Variants in TMEFF2 observed in about 807,000 individuals in gnomAD.
TMEFF2 encodes transmembrane protein with EGF like and two follistatin like domains 2.
In TMEFF2, 28 loss-of-function variants were observed where a neutral mutation model predicts 53.8. That is an observed-to-expected ratio of 0.52 (90% confidence interval 0.39 to 0.71). The LOEUF is 0.71. Ranked by LOEUF, TMEFF2 falls within the 30% of genes least tolerant of loss-of-function variation. The pLI is 0.00. For missense variants in TMEFF2, 353 were observed against 455.2 expected (o/e 0.78, Z 2.04); for synonymous variants, 162 against 166.3 (o/e 0.97, Z 0.20).
chr2:192,059,448 G>A (rs376483938), intron 4 of TMEFF2, among the ~76,000 whole-genome samples: 26 of 152,168 alleles, frequency 1.7e-4, no homozygotes, highest in South Asian at 6.2e-4. Flanking sequence ...AGCTGAGGTC[G>A]GTCTCTTTAT....
intron 7 of TMEFF2, among the ~76,000 whole-genome samples, chr2:191,968,545 CAG>C (rs1692533726): frequency 6.6e-6 from 1 of 152,122 alleles, no homozygotes; most frequent in Non-Finnish European, 1.5e-5. Context: ...CTCTTTAGAC[CAG>C]AGTTTCCTGA....
At chr2:192,042,857 C>T (rs187984310) in intron 5 of TMEFF2, among the ~76,000 whole-genome samples, 2,400 of 152,250 alleles carry the variant, frequency 0.016, 44 homozygotes, top group Non-Finnish European at 0.019. Flanking sequence ...TTAAGACCTA[C>T]TCACACACAC....
rs747699024 is a variant in TMEFF2 at position 192,057,771 on chromosome 2, A to G, written c.444T>C (p.His148=). Residue 148 remains histidine (H), a synonymous_variant, in exon 5 of 10, where the codon CAT becomes CAC. Coordinates refer to ENST00000272771, the MANE Select transcript of TMEFF2 (RefSeq NM_016192.4). ...TTTGACTAGTTTCTCCAGAGCCTTC[A>G]TGGACTGTAGGACAGAAAAACAGTA... ...DAGSGSGDGV[H]EGSGETSQKE... 6.2e-7 allele frequency: 1 copy of G among 1,613,362 alleles called. No individual in the cohort carries two copies. Among genetic ancestry groups the G allele is most frequent in the Non-Finnish European group, 8.5e-7 (1 of 1,179,328 alleles).
At chr2:192,173,338 A>C (rs1013008842) in intron 4 of TMEFF2, among the ~76,000 whole-genome samples, 2 of 151,906 alleles carry the variant, frequency 1.3e-5, no homozygotes, top group Non-Finnish European at 2.9e-5. Context: ...ACTATACAGC[A>C]TTTTATAAAT....
At chr2:192,165,488 G>A (rs1188722940) in intron 4 of TMEFF2, among the ~76,000 whole-genome samples, 2 of 151,982 alleles carry the variant, frequency 1.3e-5, no homozygotes, top group African/African-American at 4.8e-5. Flanking sequence ...GTGTTATACT[G>A]GGCTTATCAA....
At chr2:192,120,126 A>G (rs992174638) in intron 4 of TMEFF2, among the ~76,000 whole-genome samples, 1 of 152,168 alleles carries the variant, frequency 6.6e-6, no homozygotes, top group African/African-American at 2.4e-5. Flanking sequence ...CAAATTTCCA[A>G]ATTTCTACCA....
chr2:192,073,438 T>A (rs60397608), intron 4 of TMEFF2, among the ~76,000 whole-genome samples: 17 of 151,614 alleles, frequency 1.1e-4, no homozygotes, highest in Admixed American at 6.6e-4. Context: ...TTTTTTTTTT[T>A]AAGCAAGTTA....
intron 5 of TMEFF2, among the ~76,000 whole-genome samples, chr2:192,031,079 A>G (rs1687122115): frequency 1.3e-5 from 2 of 152,082 alleles, no homozygotes; most frequent in African/African-American, 2.4e-5. Context: ...TCTCCTTCAC[A>G]TTTTTACTAA....
At chr2:191,975,887 A>G (rs1191983973) in intron 7 of TMEFF2, among the ~76,000 whole-genome samples, 2 of 152,190 alleles carry the variant, frequency 1.3e-5, no homozygotes, top group Non-Finnish European at 1.5e-5. Flanking sequence ...CAAGCCCTTT[A>G]TCATCTCTTC....
intron 4 of TMEFF2, among the ~76,000 whole-genome samples, chr2:192,119,576 C>A (rs755644298): frequency 9.9e-5 from 15 of 152,096 alleles, no homozygotes; most frequent in Middle Eastern, 3.2e-3. Context: ...AAGTGGAAGC[C>A]CACAATCACA....
At chr2:192,013,405 CCTAT>C (rs957275361) in intron 5 of TMEFF2, among the ~76,000 whole-genome samples, 2 of 152,024 alleles carry the variant, frequency 1.3e-5, no homozygotes, top group African/African-American at 4.8e-5. Context: ...CCCTGAGTGC[CCTAT>C]CTAACACAGC....
chr2:192,007,854 A>C (rs1226290499), intron 5 of TMEFF2, among the ~76,000 whole-genome samples: 2 of 152,168 alleles, frequency 1.3e-5, no homozygotes, highest in African/African-American at 4.8e-5. Context: ...AAAAGGAAGA[A>C]TCATTAGGGT....
intron 2 of TMEFF2, among the ~76,000 whole-genome samples, chr2:192,190,214 T>A (rs1488773104): frequency 6.6e-6 from 1 of 152,166 alleles, no homozygotes; most frequent in Non-Finnish European, 1.5e-5. Flanking sequence ...AACCCCTTTT[T>A]TTTTTCTCCT....
chr2:192,004,667 G>A (rs969271378), intron 5 of TMEFF2, among the ~76,000 whole-genome samples: 4 of 152,026 alleles, frequency 2.6e-5, no homozygotes, highest in African/African-American at 9.7e-5. Context: ...AAAGAAAAAA[G>A]GTAGCAATTA....
chr2:192,037,291 A>AAGAC (rs1687329654), intron 5 of TMEFF2, among the ~76,000 whole-genome samples: 1 of 139,164 alleles, frequency 7.2e-6, no homozygotes, highest in Non-Finnish European at 1.5e-5. Flanking sequence ...GAAAGAAAGA[A>AAGAC]AGAAAGAAAG....
chr2:192,066,996 G>T (rs1474314434), intron 4 of TMEFF2, among the ~76,000 whole-genome samples: 4 of 151,608 alleles, frequency 2.6e-5, no homozygotes, highest in Non-Finnish European at 5.9e-5. Flanking sequence ...ATAAACAATC[G>T]CTTGGGCTAC....
intron 4 of TMEFF2, among the ~76,000 whole-genome samples, chr2:192,161,637 C>A (rs1046109558): frequency 6.6e-6 from 1 of 152,192 alleles, no homozygotes; most frequent in African/African-American, 2.4e-5. Flanking sequence ...GTGGACCAGT[C>A]TGGAGACAAC....
intron 4 of TMEFF2, among the ~76,000 whole-genome samples, chr2:192,159,913 T>C (rs1360321581): frequency 6.6e-6 from 1 of 152,174 alleles, no homozygotes; most frequent in African/African-American, 2.4e-5. Context: ...AACTTGAACT[T>C]CTGCTTTGTG....
chr2:192,141,459 G>GAAAAAAAAAAAAAAAAAAA (rs397987092), intron 4 of TMEFF2, among the ~76,000 whole-genome samples: 2 of 107,232 alleles, frequency 1.9e-5, no homozygotes, highest in Non-Finnish European at 3.6e-5. Context: ...TCTCAAAAAA[G>GAAAAAAAAAAAAAAAAAAA]AAAAAAAAAA....
Sources: gnomAD v4.1 joint callset for allele counts (sites outside exome capture counted in the v4.1 genomes callset) on GRCh38, gnomAD v4.1.1 for gene constraint, MANE v1.5 for transcripts, NCBI Gene and HGNC (gene_info 2026-07-23, HGNC 2026-07-21) for gene names.